ENO4: variants seen among roughly 807,000 people sequenced by gnomAD.
ENO4 encodes enolase 4, also known as 2-phospho-D-glycerate hydro-lyase.
ENO4 carries 53 observed loss-of-function variants against 63.2 expected under a neutral mutation model. The observed-to-expected ratio is 0.84, with a 90% confidence interval of 0.67 to 1.05. The LOEUF (loss-of-function observed/expected upper bound fraction) is 1.05, where lower values mean the gene tolerates loss of function less well. Ranked by LOEUF, ENO4 falls within the 50% of genes least tolerant of loss-of-function variation. The pLI is 0.00. For synonymous variants in ENO4, 266 were observed against 283.8 expected (o/e 0.94, Z 0.63); for missense variants, 719 against 772.0 (o/e 0.93, Z 0.81).
intron 12 of ENO4, 21 bp from the exon 13 acceptor site, chr10:116,879,848 T>C (rs1351354927): frequency 2.0e-6 from 3 of 1,529,320 alleles, no homozygotes; most frequent in Non-Finnish European, 2.7e-6. Context: ...CGTCTAAAAT[T>C]AGTTTTTTCC....
rs185156579 is a variant in ENO4, at chr10:116,908,878, C to G, written c.1195-2621C>G. ...GTTTTAACCCTTGAATCCCCAACTT[C>G]TTTCTCCATTTACTGATGGATGTGG... On this transcript the variant is annotated intron_variant, in intron 10 of 10. Transcript: ENST00000369207. Among the ~76,000 whole-genome samples the G allele has an allele frequency of 5.4e-3, 820 of 152,270 alleles. 8 individuals carry two copies. Among genetic ancestry groups the G allele is most frequent in the African/African-American group, 0.019 (782 of 41,554 alleles).
intron 8 of ENO4, among the ~76,000 whole-genome samples, chr10:116,870,308 G>T (rs1005305131): frequency 4.6e-5 from 7 of 152,170 alleles, no homozygotes; most frequent in Non-Finnish European, 5.9e-5. Flanking sequence ...TTGGGGTTAT[G>T]TGGGTCCTGA....
At chr10:116,849,859 C>A (rs962203995) in intron 1 of ENO4, 128 bp downstream of exon 1, 2 of 1,099,942 alleles carry the variant, frequency 1.8e-6, no homozygotes, top group Non-Finnish European at 1.3e-6. Context: ...CCTGGGCCTG[C>A]GTGTGCGGAG....
At chr10:116,870,723 C>A (rs913155620) in intron 8 of ENO4, among the ~76,000 whole-genome samples, 1 of 152,064 alleles carries the variant, frequency 6.6e-6, no homozygotes, top group Non-Finnish European at 1.5e-5. Flanking sequence ...ACAGAACATA[C>A]GAAAGAGCAG....
chr10:116,895,181 A>C (rs1589781402), intron 10 of ENO4, among the ~76,000 whole-genome samples: 1 of 152,348 alleles, frequency 6.6e-6, no homozygotes, highest in East Asian at 1.9e-4. Flanking sequence ...ATCATTTAGT[A>C]AAAGCATCTT....
chr10:116,873,201 T>A (rs1846744554), intron 9 of ENO4, among the ~76,000 whole-genome samples: 1 of 152,210 alleles, frequency 6.6e-6, no homozygotes, highest in Non-Finnish European at 1.5e-5. Flanking sequence ...AAGTTCTTGC[T>A]GCTTTTGAAG....
chr10:116,877,655 T>C (rs573413885), intron 11 of ENO4, among the ~76,000 whole-genome samples: 1 of 152,102 alleles, frequency 6.6e-6, no homozygotes, highest in East Asian at 1.9e-4. Flanking sequence ...GTCATGAAGC[T>C]GGGATTCAGG....
chr10:116,855,745 T>C lies in ENO4; in HGVS notation c.288T>C (p.Phe96=), dbSNP rs1413846753. The change falls in exon 2 of 14, where the codon TTT becomes TTC. Residue 96 remains phenylalanine (F), a synonymous_variant. Transcript: ENST00000341276. ...QVDIFCTIQN[F]PKNVCSVVIS... is the part of the protein sequence containing the mutation. ...ACATATTCTGCACCATTCAAAACTTTCCCAAGGTATGAGGCAGTTTAAGTG... is the reference window on the plus strand; with the variant it reads ...ACATATTCTGCACCATTCAAAACTTCCCCAAGGTATGAGGCAGTTTAAGTG... 2.5e-5 allele frequency: 38 copies of C among 1,534,412 alleles called. No homozygotes were observed. Among genetic ancestry groups the C allele is most frequent in the Admixed American group, 2.0e-4 (10 of 50,846 alleles).
intron 10 of ENO4, chr10:116,900,301 C>G: frequency 1.9e-6 from 1 of 539,730 alleles, no homozygotes; most frequent in Non-Finnish European, 3.3e-6. Flanking sequence ...GTCTCTTAAG[C>G]AGTCATTGAA....
intron 10 of ENO4, among the ~76,000 whole-genome samples, chr10:116,906,419 A>G (rs775645809): frequency 1.3e-5 from 2 of 152,272 alleles, no homozygotes; most frequent in Non-Finnish European, 1.5e-5. Flanking sequence ...GGTTACCTAC[A>G]AATAAGTAAA....
At chr10:116,866,977 T>C (rs141654627) in intron 7 of ENO4, among the ~76,000 whole-genome samples, 2 of 152,272 alleles carry the variant, frequency 1.3e-5, no homozygotes, top group Admixed American at 1.3e-4. Context: ...TATTAAGTCT[T>C]AATTTAAATC....
At chr10:116,880,914 C>T (rs993327381) in intron 13 of ENO4, among the ~76,000 whole-genome samples, 1 of 152,154 alleles carries the variant, frequency 6.6e-6, no homozygotes, top group Admixed American at 6.5e-5. Flanking sequence ...ACTCTGGTGA[C>T]CACAGGCTCC....
At chr10:116,897,865 C>T (rs1372593378) in intron 10 of ENO4, among the ~76,000 whole-genome samples, 1 of 152,102 alleles carries the variant, frequency 6.6e-6, no homozygotes. Flanking sequence ...TGGACAGGCA[C>T]CGGCTTAGAA....
Position 116,876,276 on chromosome 10 carries a change from C to T in ENO4, c.1537+16C>T, listed in dbSNP as rs1174992826. 2.0e-6 allele frequency: 3 copies of T among 1,513,340 alleles called. No individual in the cohort carries two copies. The highest frequency in any genetic ancestry group is 2.7e-6 in the Non-Finnish European group (3 of 1,128,888). 93.7% of individuals were successfully genotyped at this position (1,513,340 alleles called of 1,614,324 possible). A position where few individuals can be genotyped will look rare whatever the true frequency, so the allele number is the denominator to read the frequency against. ...CTGATTGACAGTGAGTAAAAGCATA[C>T]ATCTGAAAGACTCGTAATGACTTGG... On this transcript the variant is annotated intron_variant, in intron 11 of 13. Coordinates refer to ENST00000341276, the MANE Select transcript of ENO4 (RefSeq NM_001242699.2).
chr10:116,851,577 C>T (rs1428103938), intron 1 of ENO4, among the ~76,000 whole-genome samples: 1 of 152,194 alleles, frequency 6.6e-6, no homozygotes. Context: ...CTCACCTCGT[C>T]TCTCCCTCTA....
chr10:116,883,093 T>C (rs1294511278), downstream of ENO4: 1 of 151,896 alleles, frequency 6.6e-6, no homozygotes, highest in African/African-American at 2.4e-5. Context: ...AATAACTAAA[T>C]TAAATTAACC....
intron 10 of ENO4, among the ~76,000 whole-genome samples, chr10:116,895,995 G>T (rs1847503622): frequency 6.6e-6 from 1 of 152,126 alleles, no homozygotes; most frequent in Admixed American, 6.5e-5. Flanking sequence ...CTGGAAGCTG[G>T]TTCCATTACC....
At chr10:116,872,415 G>A (rs1010996659) in intron 9 of ENO4, among the ~76,000 whole-genome samples, 3 of 151,990 alleles carry the variant, frequency 2.0e-5, no homozygotes, top group Admixed American at 2.0e-4. Flanking sequence ...CTGAATCATG[G>A]TGGCGGGTCT....
chr10:116,862,805 G>A lies in ENO4; in HGVS notation c.943G>A (p.Glu315Lys), dbSNP rs780394520. ...HPELTTKQGVEMLMEMQKHIN... is the reference protein window; with the variant it reads ...HPELTTKQGVKMLMEMQKHIN... ...ATGGTTGTTCTACTTACAGGGTGTC[G>A]AGATGCTTATGGAAATGCAGAAACA... The change falls in exon 7 of 14, where the codon GAG becomes AAG. Residue 315 changes from glutamate to lysine, a missense_variant. Coordinates refer to ENST00000341276, the MANE Select transcript of ENO4 (RefSeq NM_001242699.2). The A allele has an allele frequency of 1.2e-4, 192 of 1,549,584 alleles. No homozygotes were observed. The highest frequency in any genetic ancestry group is 1.2e-3 in the East Asian group (50 of 40,894).
Sources: gnomAD v4.1 joint callset for allele counts (sites outside exome capture counted in the v4.1 genomes callset) on GRCh38, gnomAD v4.1.1 for gene constraint, MANE v1.5 for transcripts, NCBI Gene and HGNC (gene_info 2026-07-23, HGNC 2026-07-21) for gene names.